MAP3K19: variants seen among roughly 807,000 people sequenced by gnomAD.
MAP3K19 encodes the protein mitogen-activated protein kinase kinase kinase 19, also known as SPS1/STE20-related protein kinase YSK4.
Under a neutral mutation model 114.4 loss-of-function variants are expected in MAP3K19, and 91 were observed. That is an observed-to-expected ratio of 0.80 (90% CI 0.67 to 0.95). The LOEUF (loss-of-function observed/expected upper bound fraction) is 0.95. Among genes scored for constraint, MAP3K19 ranks in the 40% least tolerant of loss-of-function variants. The pLI is 0.00. For synonymous variants in MAP3K19, 518 were observed against 530.5 expected (o/e 0.98, Z 0.32); for missense variants, 1,471 against 1,573.2 (o/e 0.94, Z 1.10).
chr2:134,969,222 CGT>C (rs1683683286), intron 12 of MAP3K19, among the ~76,000 whole-genome samples: 1 of 152,056 alleles, frequency 6.6e-6, no homozygotes, highest in African/African-American at 2.4e-5. Flanking sequence ...TGTGGCGGCG[CGT>C]GCCTGTAATC....
chr2:134,969,003 G>A (rs577991629), intron 12 of MAP3K19, among the ~76,000 whole-genome samples: 2 of 152,166 alleles, frequency 1.3e-5, no homozygotes, highest in Non-Finnish European at 2.9e-5. Flanking sequence ...GCAGGCTGCT[G>A]GGAGGTGGAG....
chr2:134,992,928 C>T (rs142531327), intron 8 of MAP3K19, among the ~76,000 whole-genome samples: 37 of 152,192 alleles, frequency 2.4e-4, no homozygotes, highest in Non-Finnish European at 4.0e-4. Flanking sequence ...ATCCACCGGC[C>T]TCGGCCTCCC....
At position 135,005,445 on chromosome 2, in the gene MAP3K19, G is replaced by A; in HGVS notation, c.225C>T (p.Pro75=). The part of the protein sequence containing the change: ...DPSGGRQDWQ[P]RTEGVEITVT... The stretch of plus-strand genomic sequence containing the variant: ...AGTAAAGCCCAGTACCTTCTGTCCT[G>A]GGTTGCCAGTCCTGTCTACCACCAC... Residue 75 remains proline, a synonymous_variant, in exon 6 of 13, where the codon CCC becomes CCT. Transcript: ENST00000392915. 6.2e-7 allele frequency: 1 copy of A among 1,611,688 alleles called. No individual in the cohort carries two copies. Among genetic ancestry groups the A allele is most frequent in the African/African-American group, 1.3e-5 (1 of 74,974 alleles).
chr2:135,015,614 G>C (rs892980816), intron 5 of MAP3K19, among the ~76,000 whole-genome samples: 1 of 152,030 alleles, frequency 6.6e-6, no homozygotes, highest in African/African-American at 2.4e-5. Context: ...AAAATTGTTG[G>C]CCGGGCACAG....
At chr2:135,007,852 C>T (rs1686941285) in intron 5 of MAP3K19, among the ~76,000 whole-genome samples, 1 of 152,090 alleles carries the variant, frequency 6.6e-6, no homozygotes, top group Non-Finnish European at 1.5e-5. Flanking sequence ...CTTCCTAGAA[C>T]ATACAAAAAT....
chr2:134,989,756 C>T lies in MAP3K19; in HGVS notation c.619-1503G>A, dbSNP rs146904380. On this transcript the variant is annotated intron_variant, in intron 9 of 12. Transcript: ENST00000392915. Reference sequence around the variant, plus strand: ...CCACTGGGGGAAAGAAAAGAATTGCCTAATTTCTAAATAGGTTGAAAAAAG... The same window carrying T: ...CCACTGGGGGAAAGAAAAGAATTGCTTAATTTCTAAATAGGTTGAAAAAAG... 5.4e-4 allele frequency among the ~76,000 whole-genome samples: 82 copies of T among 152,134 alleles called. 1 individual carries two copies. The East Asian group carries it at 0.014, about 27-fold the overall frequency.
chr2:135,000,097 G>T, intron 6 of MAP3K19, 82 bp from the exon 7 acceptor site: 2 of 916,044 alleles, frequency 2.2e-6, no homozygotes, highest in South Asian at 2.7e-5. Context: ...ATTTCTGTTT[G>T]GCTAATCTCT....
At chr2:134,995,272 C>T (rs1246684381) in intron 8 of MAP3K19, among the ~76,000 whole-genome samples, 4 of 149,796 alleles carry the variant, frequency 2.7e-5, no homozygotes, top group African/African-American at 4.9e-5. Context: ...GCTGAGATCG[C>T]GCCATTGCAC....
In MAP3K19 at chr2:134,968,693, G is replaced by T. The variant is rs7421815; in HGVS notation, c.3921-3777C>A. ...GACGGGGTCGCGGCCGGGCAGAGGC[G>T]CTCCTTACATCCCAGATGGGGCGGC... is the stretch of plus-strand genomic sequence containing the variant. On this transcript the variant is annotated intron_variant, in intron 12 of 12. Transcript: ENST00000392915. Among the ~76,000 whole-genome samples the T allele has an allele frequency of 2.1e-3, 312 of 148,482 alleles. 1 individual carries two copies. Among genetic ancestry groups the T allele is most frequent in the African/African-American group, 6.8e-3 (270 of 39,930 alleles).
chr2:134,983,196 C>G, intron 11 of MAP3K19: 1 of 532,772 alleles, frequency 1.9e-6, no homozygotes, highest in South Asian at 1.4e-5. Flanking sequence ...TCATCGCCCA[C>G]CCCCCAAGAT....
intron 5 of MAP3K19, among the ~76,000 whole-genome samples, chr2:135,018,281 C>CAAAAAAAAAAAAAAAAAA (rs781510594): frequency 1.7e-5 from 1 of 58,288 alleles, no homozygotes; most frequent in Admixed American, 2.2e-4. Context: ...GCAACAACAG[C>CAAAAAAAAAAAAAAAAAA]AAAAAAAAAA....
intron 1 of MAP3K19, among the ~76,000 whole-genome samples, 198 bp downstream of exon 1, chr2:135,046,987 A>G (rs1688758524): frequency 6.6e-6 from 1 of 152,248 alleles, no homozygotes. Context: ...CTGCATAAGT[A>G]TTGGAGGAAA....
intron 12 of MAP3K19, among the ~76,000 whole-genome samples, chr2:134,968,579 C>T (rs1454062288): frequency 2.7e-5 from 4 of 150,194 alleles, no homozygotes; most frequent in African/African-American, 7.4e-5. Context: ...CGGAGGGGCT[C>T]CTCACTTCTC....
chr2:134,995,083 G>A (rs1289515702), intron 8 of MAP3K19, among the ~76,000 whole-genome samples: 4 of 152,076 alleles, frequency 2.6e-5, no homozygotes, highest in Non-Finnish European at 5.9e-5. Flanking sequence ...AAGCTGAGGT[G>A]GGTAAATCAC....
chr2:135,011,649 G>A (rs1257830494), intron 5 of MAP3K19, among the ~76,000 whole-genome samples: 2 of 151,814 alleles, frequency 1.3e-5, no homozygotes, highest in African/African-American at 4.9e-5. Flanking sequence ...AGAATCTCTT[G>A]AGACTAAGAG....
intron 12 of MAP3K19, among the ~76,000 whole-genome samples, chr2:134,968,002 T>C (rs1172325750): frequency 6.6e-6 from 1 of 152,144 alleles, no homozygotes; most frequent in African/African-American, 2.4e-5. Flanking sequence ...CAGAGGACCC[T>C]GCGGCCTTCC....
At chr2:134,969,222 C>T (rs1011178072) in intron 12 of MAP3K19, among the ~76,000 whole-genome samples, 18 of 152,054 alleles carry the variant, frequency 1.2e-4, no homozygotes, top group African/African-American at 3.6e-4. Flanking sequence ...TGTGGCGGCG[C>T]GTGCCTGTAA....
At chr2:135,024,380 G>A (rs979574930) in intron 4 of MAP3K19, among the ~76,000 whole-genome samples, 1 of 152,074 alleles carries the variant, frequency 6.6e-6, no homozygotes. Context: ...TTTACAGCAA[G>A]CTCTCTCTGA....
intron 12 of MAP3K19, among the ~76,000 whole-genome samples, chr2:134,976,028 G>A (rs764853038): frequency 2.0e-5 from 3 of 152,180 alleles, no homozygotes; most frequent in Non-Finnish European, 4.4e-5. Flanking sequence ...TGTTGTTTCT[G>A]GGGTGCAGGA....
Sources: allele counts gnomAD v4.1 joint callset (sites outside exome capture counted in the v4.1 genomes callset), GRCh38; gene constraint gnomAD v4.1.1; transcripts MANE v1.5; gene names NCBI Gene and HGNC (gene_info 2026-07-23, HGNC 2026-07-21).